EXD3: variants seen among roughly 807,000 people sequenced by gnomAD.
The protein encoded by EXD3 is exonuclease 3'-5' domain containing 3, also known as exonuclease mut-7 homolog.
A neutral mutation model predicts 98.0 loss-of-function variants in EXD3; 92 were observed. The ratio of observed to expected loss-of-function variants is 0.94; its 90% CI spans 0.79 to 1.12. The LOEUF (loss-of-function observed/expected upper bound fraction) is 1.12. EXD3 is among the 50% of genes most tolerant of loss of function. The pLI, the probability that EXD3 is intolerant of heterozygous loss-of-function variation, is 0.00. For synonymous variants in EXD3, 569 were observed against 526.0 expected (o/e 1.08, Z -1.12); for missense variants, 1,222 against 1,191.6 (o/e 1.03, Z -0.38).
rs533263110 is a variant in EXD3 at position 137,368,045 on chromosome 9, G to A, written c.463-56C>T. The A allele has an allele frequency of 2.2e-4, 314 of 1,436,542 alleles. 5 individuals are homozygous for A. The South Asian group carries it at 3.5e-3, about 16-fold the overall frequency. The allele number at this position is 1,436,542 out of a possible 1,614,324, so 89.0% of individuals were successfully genotyped here. ...GGGCCTGGGAGGGGCCAGGCAGCACGGCGGGTGAGGGGGCTACCACCCTTT... is the reference window on the plus strand; with the variant it reads ...GGGCCTGGGAGGGGCCAGGCAGCACAGCGGGTGAGGGGGCTACCACCCTTT... On this transcript the variant is annotated intron_variant, in intron 5 of 21. Transcript: ENST00000340951.
intron 19 of EXD3, among the ~76,000 whole-genome samples, chr9:137,313,315 G>A (rs1475383324): frequency 6.6e-6 from 1 of 152,138 alleles, no homozygotes; most frequent in Non-Finnish European, 1.5e-5. Flanking sequence ...CTGGGCCTGG[G>A]CAGAGGTGAC....
chr9:137,414,209 G>A (rs763402644), intron 1 of EXD3, among the ~76,000 whole-genome samples: 3 of 152,160 alleles, frequency 2.0e-5, no homozygotes, highest in Non-Finnish European at 2.9e-5. Flanking sequence ...GAGCCACCGC[G>A]CCCGGCCAAG....
chr9:137,401,444 C>T (rs59029792), intron 1 of EXD3, among the ~76,000 whole-genome samples: 3,232 of 152,110 alleles, frequency 0.021, 118 homozygotes, highest in African/African-American at 0.07. Context: ...TGTGAGCCAC[C>T]GTGCCCGGCC....
At chr9:137,397,513 A>G (rs939645474) in intron 1 of EXD3, among the ~76,000 whole-genome samples, 1 of 152,208 alleles carries the variant, frequency 6.6e-6, no homozygotes, top group Non-Finnish European at 1.5e-5. Flanking sequence ...AAAAATCACA[A>G]GACCTAAAAA....
intron 3 of EXD3, among the ~76,000 whole-genome samples, chr9:137,380,681 A>G (rs1258156856): frequency 1.8e-5 from 1 of 55,822 alleles, no homozygotes; most frequent in Non-Finnish European, 3.3e-5. Flanking sequence ...ATCCCCCCCA[A>G]TCCCCCCGCC....
chr9:137,420,686 C>A (rs762607712), intron 1 of EXD3, among the ~76,000 whole-genome samples: 1 of 151,470 alleles, frequency 6.6e-6, no homozygotes, highest in East Asian at 2.0e-4. Context: ...TGTCACTTTC[C>A]GACAGATCCA....
intron 17 of EXD3, among the ~76,000 whole-genome samples, chr9:137,330,557 ACAGGGC>A (rs1186692468): frequency 3.4e-4 from 47 of 137,260 alleles, no homozygotes; most frequent in South Asian, 9.8e-4. Context: ...CAGGAGCTAC[ACAGGGC>A]TCCACAGGAG....
chr9:137,339,496 C>CAAAAA (rs57029740), intron 17 of EXD3, among the ~76,000 whole-genome samples: 1 of 92,680 alleles, frequency 1.1e-5, no homozygotes, highest in Non-Finnish European at 2.3e-5. Context: ...GACGCCACTT[C>CAAAAA]AAAAAAAAAA....
intron 17 of EXD3, among the ~76,000 whole-genome samples, chr9:137,335,103 T>G (rs1428659951): frequency 6.8e-6 from 1 of 146,190 alleles, no homozygotes; most frequent in Non-Finnish European, 1.5e-5. Context: ...ACAAACAAAA[T>G]AAAAACAAAT....
intron 7 of EXD3, chr9:137,365,217 G>A (rs1213205939): frequency 6.6e-6 from 1 of 152,150 alleles, no homozygotes; most frequent in Non-Finnish European, 1.5e-5. Context: ...CAGCCCCATT[G>A]TGCGAATGAG....
At chr9:137,357,059 C>T (rs940597989) in intron 7 of EXD3, among the ~76,000 whole-genome samples, 11 of 152,226 alleles carry the variant, frequency 7.2e-5, no homozygotes, top group Non-Finnish European at 1.3e-4. Context: ...GTTGAGATAA[C>T]GTTCCCTTAG....
At chr9:137,399,434 C>G (rs1837380668) in intron 1 of EXD3, among the ~76,000 whole-genome samples, 1 of 152,230 alleles carries the variant, frequency 6.6e-6, no homozygotes, top group African/African-American at 2.4e-5. Context: ...TCTCATCTTT[C>G]CTTCTCTGCC....
chr9:137,325,831 T>G (rs938291836), intron 17 of EXD3, among the ~76,000 whole-genome samples: 1 of 152,162 alleles, frequency 6.6e-6, no homozygotes, highest in Non-Finnish European at 1.5e-5. Context: ...GGCTCGTGCC[T>G]GTAATCCCAG....
chr9:137,351,133 C>A lies in EXD3; in HGVS notation c.1399G>T (p.Gly467Trp). The change falls in exon 14 of 22, where the codon GGG becomes TGG. Residue 467 changes from glycine to tryptophan, a missense_variant. Physicochemically the swap from Gly to Trp is radical, Grantham distance 184. Transcript: ENST00000340951. ...SITKLGYGMVGDLQKLGTSCP... is the reference protein window; with the variant it reads ...SITKLGYGMVWDLQKLGTSCP... ...GACGTGCCCAGTTTTTGCAGGTCCC[C>A]CACCATCCCGTAGCCTGTGGGCAGG... The A allele has an allele frequency of 6.3e-7, 1 of 1,578,494 alleles. No individual in the cohort carries two copies. The highest frequency in any genetic ancestry group is 8.6e-7 in the Non-Finnish European group (1 of 1,163,022).
chr9:137,397,794 G>A (rs1293487845), intron 1 of EXD3, among the ~76,000 whole-genome samples: 1 of 151,994 alleles, frequency 6.6e-6, no homozygotes, highest in Non-Finnish European at 1.5e-5. Context: ...AAATTAAAAA[G>A]TAGCCGGGTG....
chr9:137,335,832 C>A (rs1404027406), intron 17 of EXD3, among the ~76,000 whole-genome samples: 1 of 151,896 alleles, frequency 6.6e-6, no homozygotes, highest in Non-Finnish European at 1.5e-5. Context: ...CAGAAAGACA[C>A]CTGCGCACAT....
At chr9:137,355,051 T>G (rs28637682) in intron 8 of EXD3, among the ~76,000 whole-genome samples, 13,475 of 151,904 alleles carry the variant, frequency 0.089, 743 homozygotes, top group African/African-American at 0.16. Flanking sequence ...CCTCAGGGAG[T>G]TTCCTTCTTG....
chr9:137,391,139 C>A (rs1407601130), intron 2 of EXD3, among the ~76,000 whole-genome samples: 1 of 152,208 alleles, frequency 6.6e-6, no homozygotes, highest in Non-Finnish European at 1.5e-5. Flanking sequence ...CCTCAGGTGT[C>A]CCCACGTCCA....
In EXD3 at chr9:137,307,612, C is replaced by A; in HGVS notation, c.2313G>T (p.Glu771Asp). 1.2e-6 allele frequency: 2 copies of A among 1,610,212 alleles called. No individual in the cohort carries two copies. The highest frequency in any genetic ancestry group is 1.7e-6 in the Non-Finnish European group (2 of 1,179,696). Residue 771 changes from glutamate to aspartate, a missense_variant, in exon 21 of 22, where the codon GAG becomes GAT. Coordinates refer to ENST00000340951, the MANE Select transcript of EXD3 (RefSeq NM_017820.5). ...DEATQSQAVQEPGPAPDAAPE... is the reference protein window; with the variant it reads ...DEATQSQAVQDPGPAPDAAPE... ...GTGGGCGGTCCCGGGGCTCACCTGG[C>A]TCCTGCACCGCCTGGCTCTGGGTGG...
Sources: allele counts gnomAD v4.1 joint callset (sites outside exome capture counted in the v4.1 genomes callset), GRCh38; gene constraint gnomAD v4.1.1; transcripts MANE v1.5; gene names NCBI Gene and HGNC (gene_info 2026-07-23, HGNC 2026-07-21).